Variants in KIF3C observed in about 807,000 individuals in gnomAD.
The protein encoded by KIF3C is kinesin family member 3C, also known as kinesin-like protein KIF3C.
A neutral mutation model predicts 67.7 loss-of-function variants in KIF3C; 12 were observed. The observed-to-expected ratio is 0.18, with a 90% CI of 0.11 to 0.29. The LOEUF (loss-of-function observed/expected upper bound fraction) is 0.29, where lower values mean the gene tolerates loss of function less well. Among genes scored for constraint, KIF3C ranks in the 10% least tolerant of loss-of-function variants. The pLI is 1.00. For synonymous variants in KIF3C, 393 were observed against 426.2 expected, an observed-to-expected ratio of 0.92 and a Z score of 0.96; for missense variants, 789 against 1,059.6, an observed-to-expected ratio of 0.74 and a Z score of 3.55.
At chr2:25,957,936 C>T (rs1003264391) in intron 1 of KIF3C, among the ~76,000 whole-genome samples, 12 of 152,208 alleles carry the variant, frequency 7.9e-5, no homozygotes, top group African/African-American at 2.4e-4. Flanking sequence ...CCCCTCTTAC[C>T]GCATTGCCTT....
rs898963212 is a variant in KIF3C, at chr2:25,955,404, C to A, written c.1770+137G>T. ...GCCTCCTGCCTCCCCCTGTTGCTCA[C>A]CCCCGAGGCCAAGCCATGTCACTCA... On this transcript the variant is annotated intron_variant, in intron 3 of 7. Coordinates refer to ENST00000264712, the MANE Select transcript of KIF3C (RefSeq NM_002254.8). The surrounding 1 kb of genome is among the most constrained non-coding windows in gnomAD (Gnocchi z 5.0). The A allele has an allele frequency of 3.0e-5, 32 of 1,071,852 alleles. No individual in the cohort carries two copies. The highest frequency in any genetic ancestry group is 3.8e-5 in the Non-Finnish European group (28 of 731,520). The allele number at this position is 1,071,852 out of a possible 1,614,324, so 66.4% of individuals were successfully genotyped here.
intron 5 of KIF3C, among the ~76,000 whole-genome samples, chr2:25,931,460 AAAAC>A (rs974904745): frequency 7.9e-5 from 12 of 152,142 alleles, no homozygotes; most frequent in Admixed American, 3.3e-4. Context: ...CTCCATCTCA[AAAAC>A]AAACAAACAA....
At chr2:25,967,938 C>T (rs1272285549) in intron 1 of KIF3C, among the ~76,000 whole-genome samples, 2 of 152,164 alleles carry the variant, frequency 1.3e-5, no homozygotes, top group Non-Finnish European at 2.9e-5. Context: ...AGTCGTTACT[C>T]GCTGTTTCGG....
In KIF3C at chr2:25,926,958, C is replaced by G. The variant is rs1260628858; in HGVS notation, c.*2020G>C. On this transcript the variant is annotated 3_prime_UTR_variant, in exon 8 of 8. Coordinates refer to ENST00000264712, the MANE Select transcript of KIF3C (RefSeq NM_002254.8). ...GAGAGACAGAGAGACTGAGATCCAG[C>G]CACTCCTGGTGGCCCTGTTCCCAGC... is the stretch of plus-strand genomic sequence containing the variant. 1 of 152,314 alleles carries G rather than the reference C, an allele frequency of 6.6e-6. No individual in the cohort carries two copies. Among genetic ancestry groups the G allele is most frequent in the Non-Finnish European group, 1.5e-5 (1 of 68,040 alleles). The allele number at this position is 152,314 out of a possible 1,614,324, so 9.4% of individuals were successfully genotyped here.
chr2:25,954,051 A>G (rs1346125587), intron 4 of KIF3C: 2 of 553,172 alleles, frequency 3.6e-6, no homozygotes, highest in Middle Eastern at 4.8e-4. Context: ...ACTTTTGGCC[A>G]GCACCTAGCG....
intron 5 of KIF3C, among the ~76,000 whole-genome samples, chr2:25,948,676 G>C (rs981167233): frequency 7.2e-6 from 1 of 139,196 alleles, no homozygotes. Flanking sequence ...GAAAGAGAGA[G>C]AGAAAGAAAG....
chr2:25,942,415 AT>A (rs1553713886), intron 5 of KIF3C, among the ~76,000 whole-genome samples: 4 of 145,930 alleles, frequency 2.7e-5, no homozygotes, highest in African/African-American at 7.7e-5. Flanking sequence ...GCAAAAAAAA[AT>A]TTTTTTTTTT....
In KIF3C at chr2:25,958,549, C is replaced by A. The variant is rs1663865907; in HGVS notation, c.1546-2105G>T. Among the ~76,000 whole-genome samples, 1 of 152,040 alleles carries A rather than the reference C, an allele frequency of 6.6e-6. No individual in the cohort carries two copies. Among genetic ancestry groups the A allele is most frequent in the South Asian group, 2.1e-4 (1 of 4,806 alleles). On this transcript the variant is annotated intron_variant, in intron 1 of 7. Coordinates refer to ENST00000264712, the MANE Select transcript of KIF3C (RefSeq NM_002254.8). This position sits in a 1 kb window ranked among gnomAD's most constrained non-coding sequence, Gnocchi z 4.5. ...TGAGCCGAGATCACGCCACTGCACT[C>A]CAGCCTGGGTGCCAGAGTGAGACTT...
chr2:25,939,924 C>T (rs576346902), intron 5 of KIF3C, among the ~76,000 whole-genome samples: 26 of 151,090 alleles, frequency 1.7e-4, no homozygotes, highest in African/African-American at 4.6e-4. Flanking sequence ...TACTCCAGCC[C>T]GGGTGACAGA....
intron 5 of KIF3C, among the ~76,000 whole-genome samples, chr2:25,941,193 A>G (rs758846923): frequency 3.9e-5 from 6 of 152,012 alleles, no homozygotes; most frequent in Admixed American, 6.6e-5. Flanking sequence ...GGTCTAAGCT[A>G]CTCGGGAAGT....
At chr2:25,931,788 C>T (rs907712846) in intron 5 of KIF3C, among the ~76,000 whole-genome samples, 2 of 151,962 alleles carry the variant, frequency 1.3e-5, no homozygotes, top group African/African-American at 2.4e-5. Flanking sequence ...CAGGCAAACA[C>T]CACCACACCC....
In KIF3C at chr2:25,931,835, C is replaced by T. The variant is rs1015385246; in HGVS notation, c.2007-1772G>A. On this transcript the variant is annotated intron_variant, in intron 5 of 7. Coordinates refer to ENST00000264712, the MANE Select transcript of KIF3C (RefSeq NM_002254.8). ...GTATTTTCAGTAGAGGACAGGGTTT[C>T]ACCATGTTGGCTGGTCTCGAACTCC... Among the ~76,000 whole-genome samples the T allele has an allele frequency of 3.3e-5, 5 of 151,740 alleles. 1 individual carries two copies. The highest frequency in any genetic ancestry group is 3.3e-4 in the Admixed American group (5 of 15,182).
rs1014979482 is a variant in KIF3C at position 25,981,765 on chromosome 2, C to G, written c.153G>C (p.Pro51=). 1.2e-6 allele frequency: 2 copies of G among 1,613,470 alleles called. No individual in the cohort carries two copies. The highest frequency in any genetic ancestry group is 1.7e-5 in the Admixed American group (1 of 59,986). ...QVTLRNPRAA[P]GELPKTFTFD... ...AGGTGAAGGTCTTGGGCAGCTCCCCCGGGGCGGCGCGGGGGTTCCGCAGGG... is the reference window on the plus strand; with the variant it reads ...AGGTGAAGGTCTTGGGCAGCTCCCCGGGGGCGGCGCGGGGGTTCCGCAGGG... The change falls in exon 1 of 8, where the codon CCG becomes CCC. Residue 51 remains proline (P), a synonymous_variant. Coordinates refer to ENST00000264712, the MANE Select transcript of KIF3C (RefSeq NM_002254.8). This position sits in a 1 kb window ranked among gnomAD's most constrained non-coding sequence, Gnocchi z 8.2.
At chr2:25,971,079 T>C (rs1295194241) in intron 1 of KIF3C, among the ~76,000 whole-genome samples, 1 of 151,680 alleles carries the variant, frequency 6.6e-6, no homozygotes, top group African/African-American at 2.4e-5. Flanking sequence ...GAGACCATCC[T>C]GGCTAACATG....
At chr2:25,932,261 A>G (rs1003888858) in intron 5 of KIF3C, among the ~76,000 whole-genome samples, 14 of 151,068 alleles carry the variant, frequency 9.3e-5, no homozygotes, top group African/African-American at 3.4e-4. Context: ...CAGCCTCCCA[A>G]AGTTCTGGGA....
At chr2:25,936,611 T>A (rs1420384359) in intron 5 of KIF3C, among the ~76,000 whole-genome samples, 2 of 152,228 alleles carry the variant, frequency 1.3e-5, no homozygotes, top group Non-Finnish European at 2.9e-5. Flanking sequence ...AAAGGTATTT[T>A]CATGCTTATA....
In KIF3C at chr2:25,937,640, C is replaced by T. The variant is rs374641689; in HGVS notation, c.2007-7577G>A. 1.3e-4 allele frequency among the ~76,000 whole-genome samples: 20 copies of T among 152,268 alleles called. No individual in the cohort carries two copies. The East Asian group carries it at 2.5e-3, about 19-fold the overall frequency. On this transcript the variant is annotated intron_variant, in intron 5 of 7. Coordinates refer to ENST00000264712, the MANE Select transcript of KIF3C (RefSeq NM_002254.8). ...CAGTTCATCTGAACTTAACAACCTC[C>T]GGAGGTGTGGATAGAGCAAAGAAGA...
At position 25,981,930 on chromosome 2, in the gene KIF3C, A is replaced by C. The variant is rs1574502123; in HGVS notation, c.-13T>G. The C allele has an allele frequency of 6.6e-7, 1 of 1,522,034 alleles. No homozygotes were observed. The allele number at this position is 1,522,034 out of a possible 1,614,324, so 94.3% of individuals were successfully genotyped here. ...TCTTACTGGCCATCTTGCTGCTCTGACCTTCCTGCCCCCGAGCCCCTCCGC... is the reference window on the plus strand; with the variant it reads ...TCTTACTGGCCATCTTGCTGCTCTGCCCTTCCTGCCCCCGAGCCCCTCCGC... On this transcript the variant is annotated 5_prime_UTR_variant, in exon 1 of 8. Transcript: ENST00000264712. The surrounding 1 kb of genome is among the most constrained non-coding windows in gnomAD (Gnocchi z 8.2).
intron 5 of KIF3C, among the ~76,000 whole-genome samples, chr2:25,939,325 T>C (rs1663226099): frequency 6.6e-6 from 1 of 152,112 alleles, no homozygotes; most frequent in Non-Finnish European, 1.5e-5. Context: ...TCCTTCTAGT[T>C]CCTTCCTGTG....
Sources: gnomAD v4.1 joint callset for allele counts (sites outside exome capture counted in the v4.1 genomes callset) on GRCh38, gnomAD v4.1.1 for gene constraint, Gnocchi (gnomAD v3.1) non-coding constraint, MANE v1.5 for transcripts, NCBI Gene and HGNC (gene_info 2026-07-23, HGNC 2026-07-21) for gene names.